Variants in FNDC3B observed in about 807,000 individuals in gnomAD.
FNDC3B encodes fibronectin type III domain containing 3B, also known as fibronectin type III domain-containing protein 3B.
FNDC3B carries 12 observed loss-of-function variants against 151.5 expected under a neutral mutation model. The ratio of observed to expected loss-of-function variants is 0.08; its 90% CI spans 0.05 to 0.13. The LOEUF is 0.13. FNDC3B is among the 10% of genes least tolerant of loss of function. FNDC3B has a pLI of 1.00. For missense variants in FNDC3B, 1,214 were observed against 1,505.3 expected (o/e 0.81, Z 3.20); for synonymous variants, 528 against 549.0 (o/e 0.96, Z 0.54).
intron 6 of FNDC3B, among the ~76,000 whole-genome samples, chr3:172,277,735 C>T (rs1729504512): frequency 1.3e-5 from 2 of 152,252 alleles, no homozygotes; most frequent in Non-Finnish European, 2.9e-5. Flanking sequence ...ACCCATGATA[C>T]ACCAAGAATA....
At chr3:172,301,116 C>T (rs1055286134) in intron 9 of FNDC3B, among the ~76,000 whole-genome samples, 1 of 152,074 alleles carries the variant, frequency 6.6e-6, no homozygotes, top group African/African-American at 2.4e-5. Context: ...CTCGCTTTGT[C>T]ATGTATAAAA....
At chr3:172,288,947 T>TTGTATGAAG (rs1730169664) in intron 7 of FNDC3B, among the ~76,000 whole-genome samples, 1 of 152,244 alleles carries the variant, frequency 6.6e-6, no homozygotes, top group Non-Finnish European at 1.5e-5. Context: ...CCATGCTTGT[T>TTGTATGAAG]CGTGCCTCCT....
chr3:172,040,343 C>G lies in FNDC3B; in HGVS notation c.-29+572C>G, dbSNP rs1259077909. Among the ~76,000 whole-genome samples, 1 of 151,932 alleles carries G rather than the reference C, an allele frequency of 6.6e-6. No individual in the cohort carries two copies. The highest frequency in any genetic ancestry group is 2.4e-5 in the African/African-American group (1 of 41,394). ...CGCGCCGGCGGGGGCGGTCGGGGGCCTCGAACCCGGGGATGCTCGCGGGGA... is the reference window on the plus strand; with the variant it reads ...CGCGCCGGCGGGGGCGGTCGGGGGCGTCGAACCCGGGGATGCTCGCGGGGA... On this transcript the variant is annotated intron_variant, in intron 1 of 25. Coordinates refer to ENST00000415807, the MANE Select transcript of FNDC3B (RefSeq NM_022763.4). This position sits in a 1 kb window ranked among gnomAD's most constrained non-coding sequence, Gnocchi z 6.6.
intron 1 of FNDC3B, among the ~76,000 whole-genome samples, chr3:172,065,286 C>T (rs553149128): frequency 3.9e-5 from 6 of 152,230 alleles, no homozygotes; most frequent in East Asian, 1.9e-4. Context: ...GAGCTGAGAT[C>T]GTGCCACTGC....
intron 3 of FNDC3B, among the ~76,000 whole-genome samples, chr3:172,188,451 G>A (rs141936174): frequency 1.3e-5 from 2 of 151,896 alleles, no homozygotes; most frequent in African/African-American, 2.4e-5. Context: ...CTGTCGCCAG[G>A]CTGGAGTGTA....
At chr3:172,061,052 A>G (rs937282164) in intron 1 of FNDC3B, among the ~76,000 whole-genome samples, 1 of 152,126 alleles carries the variant, frequency 6.6e-6, no homozygotes, top group African/African-American at 2.4e-5. Context: ...ATACCTCCTG[A>G]GCTCCTGGAA....
intron 3 of FNDC3B, among the ~76,000 whole-genome samples, chr3:172,207,645 A>G (rs1273830301): frequency 6.6e-6 from 1 of 152,134 alleles, no homozygotes; most frequent in East Asian, 1.9e-4. Flanking sequence ...ATTGGCCAAA[A>G]GGCATCAAGG....
At chr3:172,388,597 G>A (rs1460381011) in intron 25 of FNDC3B, among the ~76,000 whole-genome samples, 1 of 152,230 alleles carries the variant, frequency 6.6e-6, no homozygotes, top group African/African-American at 2.4e-5. Flanking sequence ...GATGCGCAGA[G>A]CTGCACAGTC....
intron 25 of FNDC3B, among the ~76,000 whole-genome samples, chr3:172,392,430 A>C (rs1389208351): frequency 1.3e-5 from 2 of 152,236 alleles, no homozygotes; most frequent in African/African-American, 4.8e-5. Flanking sequence ...AAGATGCTTG[A>C]AGTAAAGTTT....
intron 3 of FNDC3B, among the ~76,000 whole-genome samples, chr3:172,174,339 A>T (rs764798673): frequency 1.3e-5 from 2 of 152,212 alleles, no homozygotes; most frequent in Non-Finnish European, 2.9e-5. Context: ...ACTGCCACTT[A>T]GTTAGACTGA....
chr3:172,088,385 A>G (rs1718654586), intron 1 of FNDC3B, among the ~76,000 whole-genome samples: 1 of 152,132 alleles, frequency 6.6e-6, no homozygotes, highest in Non-Finnish European at 1.5e-5. Context: ...TGAAACCCAA[A>G]TCTCCAGATG....
chr3:172,341,249 A>G lies in FNDC3B; in HGVS notation c.1971+18A>G, dbSNP rs1299239675. The stretch of plus-strand genomic sequence containing the variant: ...ACAGCCAGGTTGGTTTTGTTTCCAT[A>G]TGAAAGTAAACCTCATTGATCAAAT... On this transcript the variant is annotated intron_variant, in intron 17 of 25. Coordinates refer to ENST00000415807, the MANE Select transcript of FNDC3B (RefSeq NM_022763.4). 3 of 1,547,552 alleles carry G rather than the reference A, an allele frequency of 1.9e-6. No homozygotes were observed. In the African/African-American group the frequency reaches 4.1e-5, roughly 21 times the overall value.
chr3:172,094,383 C>T (rs1228168316), intron 1 of FNDC3B, among the ~76,000 whole-genome samples: 1 of 152,190 alleles, frequency 6.6e-6, no homozygotes, highest in Non-Finnish European at 1.5e-5. Context: ...CTGGACATTT[C>T]ATATAAAGGG....
At chr3:172,062,592 CCTT>C (rs1303028050) in intron 1 of FNDC3B, among the ~76,000 whole-genome samples, 3 of 152,080 alleles carry the variant, frequency 2.0e-5, no homozygotes, top group South Asian at 2.1e-4. Flanking sequence ...CCACTTTTCT[CCTT>C]CTTGAAAGTG....
chr3:172,185,468 A>G (rs1724124853), intron 3 of FNDC3B, among the ~76,000 whole-genome samples: 1 of 151,668 alleles, frequency 6.6e-6, no homozygotes, highest in Non-Finnish European at 1.5e-5. Flanking sequence ...TAAAACATGC[A>G]TTGTTACACT....
chr3:172,316,164 C>T lies in FNDC3B; in HGVS notation c.1254+5283C>T, dbSNP rs546347438. On this transcript the variant is annotated intron_variant, in intron 11 of 25. Coordinates refer to ENST00000415807, the MANE Select transcript of FNDC3B (RefSeq NM_022763.4). The stretch of plus-strand genomic sequence containing the variant: ...CTGAGATTACAGGCGTCTGCCACCA[C>T]ACCCAGCTAATTTTTATATTTTTAG... Among the ~76,000 whole-genome samples, 9 of 152,066 alleles carry T rather than the reference C, an allele frequency of 5.9e-5. No individual in the cohort carries two copies. The East Asian group carries it at 1.5e-3, about 26-fold the overall frequency.
chr3:172,337,708 A>T, intron 16 of FNDC3B: 1 of 332,284 alleles, frequency 3.0e-6, no homozygotes, highest in South Asian at 2.9e-5. Context: ...TTGTTTTTTG[A>T]GATACGATCT....
chr3:172,202,962 C>T (rs1407503086), intron 3 of FNDC3B, among the ~76,000 whole-genome samples: 1 of 152,140 alleles, frequency 6.6e-6, no homozygotes, highest in Non-Finnish European at 1.5e-5. Context: ...TTTTACAACC[C>T]TTTAAAAATG....
rs752282685 is a variant in FNDC3B, at chr3:172,381,017, C to T, written c.3227C>T (p.Thr1076Met). The change falls in exon 25 of 26, where the codon ACG becomes ATG. Residue 1076 changes from threonine (T) to methionine (M), a missense_variant. Around this residue, in one of 7 missense-constraint regions of FNDC3B, gnomAD observed 284 missense variants for 392.4 expected, o/e 0.72. Coordinates refer to ENST00000415807, the MANE Select transcript of FNDC3B (RefSeq NM_022763.4). The part of the protein sequence containing the change: ...EGNSCEILWE[T>M]VPSMKGDPVN... ...AATTCATGTGAAATTTTATGGGAGA[C>T]GGTACCATCAATGAAAGGTGACCCT... 45 of 1,613,340 alleles carry T rather than the reference C, an allele frequency of 2.8e-5. No homozygotes were observed. Among genetic ancestry groups the T allele is most frequent in the East Asian group, 1.1e-4 (5 of 44,884 alleles).
Sources: allele counts gnomAD v4.1 joint callset (sites outside exome capture counted in the v4.1 genomes callset), GRCh38; gene constraint gnomAD v4.1.1; regional missense constraint gnomAD v4.1.1; non-coding constraint Gnocchi (gnomAD v3.1); transcripts MANE v1.5; gene names NCBI Gene and HGNC (gene_info 2026-07-23, HGNC 2026-07-21).